Variants in ACSL6 observed in about 807,000 individuals in gnomAD.
ACSL6 encodes the protein acyl-CoA synthetase long chain family member 6.
In ACSL6, 47 loss-of-function variants were observed where a neutral mutation model predicts 98.2. The observed-to-expected ratio is 0.48, with a 90% CI of 0.38 to 0.61. The LOEUF (loss-of-function observed/expected upper bound fraction) is 0.61, where lower values mean the gene tolerates loss of function less well. ACSL6 is among the 20% of genes least tolerant of loss of function. The pLI is 0.00. For synonymous variants in ACSL6, 362 were observed against 336.9 expected, an observed-to-expected ratio of 1.07 and a Z score of -0.82; for missense variants, 761 against 913.4, an observed-to-expected ratio of 0.83 and a Z score of 2.15.
chr5:132,007,984 C>A (rs2126969665), intron 1 of ACSL6, among the ~76,000 whole-genome samples: 1 of 152,318 alleles, frequency 6.6e-6, no homozygotes, highest in Non-Finnish European at 1.5e-5. Flanking sequence ...CCACAAGGGA[C>A]AGAACAATAG....
At chr5:131,971,355 C>T (rs1054209656) in intron 14 of ACSL6, among the ~76,000 whole-genome samples, 195 bp downstream of exon 14, 3 of 152,174 alleles carry the variant, frequency 2.0e-5, no homozygotes, top group Admixed American at 6.5e-5. Context: ...AGTGGATAAA[C>T]CTGGGCTTTC....
intron 17 of ACSL6, among the ~76,000 whole-genome samples, chr5:131,963,720 T>G (rs1371276404): frequency 6.6e-6 from 1 of 152,152 alleles, no homozygotes; most frequent in African/African-American, 2.4e-5. Context: ...ACTGGACTTC[T>G]GCACACACTC....
intron 15 of ACSL6, 48 bp downstream of exon 15, chr5:131,970,080 A>T (rs1331980389): frequency 6.4e-7 from 1 of 1,566,610 alleles, no homozygotes; most frequent in East Asian, 2.2e-5. Context: ...GGCTGCTTTT[A>T]CTCCACAGTG....
At chr5:132,004,521 T>C (rs985713910) in intron 1 of ACSL6, among the ~76,000 whole-genome samples, 8 of 152,200 alleles carry the variant, frequency 5.3e-5, no homozygotes, top group African/African-American at 1.9e-4. Flanking sequence ...TGTCAGCCTC[T>C]GGGGCTAAAG....
chr5:131,988,841 G>C lies in ACSL6; in HGVS notation c.616C>G (p.Leu206Val). Residue 206 changes from leucine to valine, a missense_variant, in exon 6 of 21, where the codon CTG (leucine) becomes GTG (valine). By Grantham distance (32) the Leu-to-Val change is conservative (BLOSUM62 1). Transcript: ENST00000651883. The part of the protein sequence containing the change: ...SMVVVPLYDT[L>V]GPGAIRYIIN... ...ATGTAGCGGATAGCCCCAGGGCCCA[G>C]GGTGTCATAGAGCGGGACCACCACC... The C allele has an allele frequency of 6.2e-7, 1 of 1,613,998 alleles. No individual in the cohort carries two copies. The highest frequency in any genetic ancestry group is 8.5e-7 in the Non-Finnish European group (1 of 1,179,984).
At chr5:131,994,734 T>C (rs17132267) in intron 1 of ACSL6, 2,082 of 178,844 alleles carry the variant, frequency 0.012, 91 homozygotes, top group Admixed American at 0.082. Flanking sequence ...TCTCTACCTC[T>C]AATCTCCCAA....
intron 1 of ACSL6, among the ~76,000 whole-genome samples, chr5:131,995,471 G>A (rs963454587): frequency 4.6e-5 from 7 of 152,158 alleles, no homozygotes; most frequent in Non-Finnish European, 7.4e-5. Flanking sequence ...TGATGGCAGG[G>A]TGGGCTCAAG....
chr5:131,998,189 C>T (rs1048684266), intron 1 of ACSL6, among the ~76,000 whole-genome samples: 17 of 152,166 alleles, frequency 1.1e-4, no homozygotes, highest in Admixed American at 8.5e-4. Context: ...GTGTGTGTGT[C>T]GGGGGCAAGA....
rs778605259 is a variant in ACSL6 at position 131,960,531 on chromosome 5, A to C, written c.1948T>G (p.Cys650Gly). 6 of 1,613,174 alleles carry C rather than the reference A, an allele frequency of 3.7e-6. No homozygotes were observed. The highest frequency in any genetic ancestry group is 3.3e-5 in the South Asian group (3 of 90,916). The change falls in exon 19 of 21, where the codon TGC becomes GGC. Residue 650 changes from cysteine (C) to glycine (G), a missense_variant. Transcript: ENST00000651883. Reference sequence around the variant, plus strand: ...CCCAAGATACCAACCTTATTTGTGCAGAGATCTGCATATGTTCCTTCAATT... The same window carrying C: ...CCCAAGATACCAACCTTATTTGTGCCGAGATCTGCATATGTTCCTTCAATT... ...RGIEGTYADL[C>G]TNKDLKKAIL...
At chr5:131,955,296 G>A (rs1283937180) in intron 20 of ACSL6, among the ~76,000 whole-genome samples, 1 of 152,166 alleles carries the variant, frequency 6.6e-6, no homozygotes, top group African/African-American at 2.4e-5. Flanking sequence ...TATGGTTATT[G>A]TAAAAAGGGT....
chr5:131,985,776 G>A (rs1754146296), intron 8 of ACSL6, among the ~76,000 whole-genome samples: 2 of 152,194 alleles, frequency 1.3e-5, no homozygotes, highest in African/African-American at 4.8e-5. Context: ...GGCTGCAGTG[G>A]CCACATCTCA....
rs1247189401 is a variant in ACSL6, at chr5:131,974,930, AAGG to A, written c.1028_1030del (p.Ser343del). On this transcript the variant is annotated inframe_deletion, in exon 11 of 21. Transcript: ENST00000651883. ...CTCAAACATGTGAGCCAGAGGCAGG[AAGG>A]AGATGAGCACATCGTCCTGTCTCGG... The A allele has an allele frequency of 6.2e-7, 1 of 1,614,208 alleles. No individual in the cohort carries two copies.
chr5:131,968,990 A>C (rs1224876758), intron 15 of ACSL6, among the ~76,000 whole-genome samples: 3 of 152,226 alleles, frequency 2.0e-5, no homozygotes, highest in Non-Finnish European at 2.9e-5. Flanking sequence ...GAAGAGATAC[A>C]TGTCCAAAAG....
intron 7 of ACSL6, among the ~76,000 whole-genome samples, chr5:131,987,843 G>A (rs893108624): frequency 3.9e-5 from 6 of 152,244 alleles, no homozygotes; most frequent in Non-Finnish European, 7.4e-5. Context: ...ATCCAGCCAC[G>A]GAGCCTATCT....
Position 131,990,171 on chromosome 5 carries a change from A to G in ACSL6, c.386-7T>C. ...CCAAGACAGGGCCCATTCCCTGTAG[A>G]GAGATAAGAAAGCCTTGTGTCAGAG... On this transcript the variant is annotated splice_region_variant and splice_polypyrimidine_tract_variant and intron_variant, in intron 3 of 20. Coordinates refer to ENST00000651883, the MANE Select transcript of ACSL6 (RefSeq NM_001009185.3). The G allele has an allele frequency of 6.2e-7, 1 of 1,613,896 alleles. No homozygotes were observed. Among genetic ancestry groups the G allele is most frequent in the Non-Finnish European group, 8.5e-7 (1 of 1,179,870 alleles).
chr5:131,979,816 G>A lies in ACSL6; in HGVS notation c.917-3095C>T, dbSNP rs2126854267. ...GATGCTGGCTACCCAGGCCGCCAAT[G>A]TCTCAGCGGTATGAGACCCACTGTC... On this transcript the variant is annotated intron_variant, in intron 9 of 20. Transcript: ENST00000651883. 1.3e-5 allele frequency among the ~76,000 whole-genome samples: 2 copies of A among 152,324 alleles called. 1 individual carries two copies. The highest frequency in any genetic ancestry group is 6.8e-3 in the Middle Eastern group (2 of 294).
intron 7 of ACSL6, 39 bp downstream of exon 7, chr5:131,988,009 A>T (rs1310555204): frequency 6.2e-7 from 1 of 1,604,074 alleles, no homozygotes; most frequent in South Asian, 1.1e-5. Context: ...GTGACCAGCC[A>T]GCAGTAGCCC....
intron 8 of ACSL6, among the ~76,000 whole-genome samples, chr5:131,986,243 G>A (rs1250071858): frequency 6.6e-6 from 1 of 152,208 alleles, no homozygotes; most frequent in Non-Finnish European, 1.5e-5. Flanking sequence ...GGGAAGCCGG[G>A]GGTGACCTGC....
chr5:131,957,334 G>A (rs1716711845), intron 20 of ACSL6, among the ~76,000 whole-genome samples: 1 of 152,200 alleles, frequency 6.6e-6, no homozygotes, highest in African/African-American at 2.4e-5. Context: ...TCTATCAAGT[G>A]TCAAAGTTCA....
Sources: gnomAD v4.1 joint callset for allele counts (sites outside exome capture counted in the v4.1 genomes callset) on GRCh38, gnomAD v4.1.1 for gene constraint, MANE v1.5 for transcripts, NCBI Gene and HGNC (gene_info 2026-07-23, HGNC 2026-07-21) for gene names.